Variants in LRRC74B observed in about 807,000 individuals in gnomAD.
The protein encoded by LRRC74B is leucine-rich repeat-containing protein 74B.
A neutral mutation model predicts 16.6 loss-of-function variants in LRRC74B; 30 were observed. The observed-to-expected ratio is 1.80, with a 90% CI of 1.35 to 2.45. The LOEUF is 2.45. Ranked by LOEUF, LRRC74B falls within the 30% of genes most tolerant of loss-of-function variation. The pLI, the probability that LRRC74B is intolerant of heterozygous loss-of-function variation, is 0.00. For synonymous variants in LRRC74B, 134 were observed against 86.0 expected (o/e 1.56, Z -3.09); for missense variants, 326 against 202.4 (o/e 1.61, Z -3.71).
chr22:21,050,075 C>T (rs562062287), intron 4 of LRRC74B, among the ~76,000 whole-genome samples: 1 of 152,154 alleles, frequency 6.6e-6, no homozygotes, highest in Non-Finnish European at 1.5e-5. Flanking sequence ...CTCGCTCTGT[C>T]ACCCAGGCTG....
rs182723545 is a variant in LRRC74B, at chr22:21,051,699, G to A, written c.623-550G>A. Reference sequence around the variant, plus strand: ...CTTGCCACTTGTATGTGCTGCCTAAGCCCCTTGGCTTGGCACACAAGGCCC... The same window carrying A: ...CTTGCCACTTGTATGTGCTGCCTAAACCCCTTGGCTTGGCACACAAGGCCC... On this transcript the variant is annotated intron_variant, in intron 4 of 8. Coordinates refer to ENST00000442047, the Ensembl canonical transcript of LRRC74B. Among the ~76,000 whole-genome samples, 11 of 152,236 alleles carry A rather than the reference G, an allele frequency of 7.2e-5. No individual in the cohort carries two copies. In the East Asian group the frequency reaches 1.4e-3, roughly 19 times the overall value.
intron 3 of LRRC74B, 187 bp downstream of exon 3, chr22:21,048,203 T>G (rs2148135123): frequency 1.7e-6 from 1 of 589,546 alleles, no homozygotes; most frequent in South Asian, 1.9e-5. Context: ...AGCCGATGCC[T>G]GATAGAAGTC....
chr22:21,055,197 T>G, intron 7 of LRRC74B, 21 bp downstream of exon 7: 1 of 711,788 alleles, frequency 1.4e-6, no homozygotes, highest in South Asian at 1.5e-5. Context: ...GCCTGATGAC[T>G]GAGACACCAG....
chr22:21,046,353 G>A (rs1044939412), intron 1 of LRRC74B, among the ~76,000 whole-genome samples: 1 of 152,206 alleles, frequency 6.6e-6, no homozygotes, highest in African/African-American at 2.4e-5. Flanking sequence ...ATCAGAGCCG[G>A]GTTTTCCCAA....
At chr22:21,060,578 G>A (rs4051935), downstream of LRRC74B, 1 of 672,352 alleles carries the variant, frequency 1.5e-6, no homozygotes, top group Admixed American at 2.3e-5. Flanking sequence ...GACCTCCAGG[G>A]TGAGGAGCTC....
At chr22:21,046,674 C>T (rs1489671905) in intron 1 of LRRC74B, among the ~76,000 whole-genome samples, 1 of 151,778 alleles carries the variant, frequency 6.6e-6, no homozygotes, top group Admixed American at 6.6e-5. Context: ...GCTCTGTCAC[C>T]CGGGCGTCAG....
At chr22:21,053,513 C>A in intron 6 of LRRC74B, 38 bp downstream of exon 6, 1 of 707,856 alleles carries the variant, frequency 1.4e-6, no homozygotes, top group Non-Finnish European at 2.6e-6. Context: ...GAATCATGGG[C>A]TCCATGATCT....
At chr22:21,056,030 C>T (rs905673357) in intron 7 of LRRC74B, among the ~76,000 whole-genome samples, 3 of 152,166 alleles carry the variant, frequency 2.0e-5, no homozygotes, top group Middle Eastern at 3.2e-3. Flanking sequence ...CCACCTTCTG[C>T]AGGGGCTCAC....
chr22:21,058,052 ATTT>A (rs538672719), intron 8 of LRRC74B, among the ~76,000 whole-genome samples: 1 of 134,080 alleles, frequency 7.5e-6, no homozygotes, highest in African/African-American at 2.8e-5. Flanking sequence ...CGCCCGGCTG[ATTT>A]TTTTTTTTTT....
rs118099710 is a variant in LRRC74B at position 21,047,891 on chromosome 22, G to C, written c.290G>C (p.Arg97Pro). ...TTGCTCTGTCTGTCCCAGGGCGCCC[G>C]GGCTCTGGCTTCCTCATTGAGCTCC... The change falls in exon 3 of 9, where the codon CGG (arginine) becomes CCG (proline). Residue 97 changes from arginine (R) to proline (P), a missense_variant. Transcript: ENST00000442047. 2.7e-4 allele frequency: 194 copies of C among 717,354 alleles called. No individual in the cohort carries two copies. In the African/African-American group the frequency reaches 3.1e-3, roughly 11 times the overall value. 44.4% of individuals were successfully genotyped at this position (717,354 alleles called of 1,614,324 possible). A position where few individuals can be genotyped will look rare whatever the true frequency, so the allele number is the denominator to read the frequency against.
chr22:21,050,048 AT>A (rs1293991996), intron 4 of LRRC74B, among the ~76,000 whole-genome samples: 3 of 151,720 alleles, frequency 2.0e-5, no homozygotes, highest in Non-Finnish European at 4.4e-5. Flanking sequence ...TTTATTTTTT[AT>A]TTTTTGAGAC....
chr22:21,062,768 TTA>T (rs1930872159), downstream of LRRC74B: 1 of 148,594 alleles, frequency 6.7e-6, no homozygotes, highest in South Asian at 2.1e-4. Context: ...TGGCACATGC[TTA>T]TAATCCCAGA....
At chr22:21,060,330 C>T in intron 8 of LRRC74B, 43 bp from the exon 9 acceptor site, 1 of 639,238 alleles carries the variant, frequency 1.6e-6, no homozygotes, top group Non-Finnish European at 2.9e-6. Context: ...GTGAAGTTCT[C>T]AGATAGTAAC....
At chr22:21,053,639 T>C (rs1930249267) in intron 6 of LRRC74B, among the ~76,000 whole-genome samples, 164 bp downstream of exon 6, 1 of 152,242 alleles carries the variant, frequency 6.6e-6, no homozygotes, top group African/African-American at 2.4e-5. Context: ...TATTTATTTA[T>C]TTAAAACAGC....
chr22:21,050,326 C>T (rs1379180042), intron 4 of LRRC74B, among the ~76,000 whole-genome samples: 3 of 151,390 alleles, frequency 2.0e-5, no homozygotes, highest in Non-Finnish European at 4.4e-5. Context: ...TGGGCCACCG[C>T]GCCTGGCCGA....
At chr22:21,047,427 C>T (rs1929548883) in exon 2 of LRRC74B, 2 of 717,390 alleles carry the variant, frequency 2.8e-6, no homozygotes, top group Non-Finnish European at 5.2e-6. Context: ...TAGTGTTGTG[C>T]CCATCTCCTG....
downstream of LRRC74B, chr22:21,060,542 C>T: frequency 4.3e-6 from 3 of 695,644 alleles, no homozygotes; most frequent in Non-Finnish European, 8.0e-6. Context: ...TGGAGTGTGG[C>T]TTCCTCATCT....
intron 7 of LRRC74B, chr22:21,056,438 G>T (rs1314797090): frequency 6.6e-6 from 1 of 151,800 alleles, no homozygotes; most frequent in Non-Finnish European, 1.5e-5. Flanking sequence ...GGAGGTGAAG[G>T]TTGCAGTGAG....
At chr22:21,061,754 T>C (rs1389689129), downstream of LRRC74B, 2 of 152,126 alleles carry the variant, frequency 1.3e-5, no homozygotes, top group African/African-American at 4.8e-5. Flanking sequence ...AAGACATATG[T>C]CCCCACAAGA....
Sources: allele counts gnomAD v4.1 joint callset (sites outside exome capture counted in the v4.1 genomes callset), GRCh38; gene constraint gnomAD v4.1.1; transcripts MANE v1.5; gene names NCBI Gene and HGNC (gene_info 2026-07-23, HGNC 2026-07-21).